The following PCBP3 variants were observed in gnomAD, a reference collection of about 807,000 sequenced individuals.
PCBP3 encodes the protein poly(rC)-binding protein 3.
Under a neutral mutation model 52.7 loss-of-function variants are expected in PCBP3, and 25 were observed. The ratio of observed to expected loss-of-function variants is 0.47; its 90% CI spans 0.35 to 0.66. The LOEUF is 0.66. Ranked by LOEUF, PCBP3 falls within the 30% of genes least tolerant of loss-of-function variation. The pLI is 0.01. For synonymous variants in PCBP3, 162 were observed against 183.0 expected, an observed-to-expected ratio of 0.89 and a Z score of 0.93; for missense variants, 391 against 490.3, an observed-to-expected ratio of 0.80 and a Z score of 1.91.
At chr21:45,898,426 C>T (rs375319302) in intron 6 of PCBP3, among the ~76,000 whole-genome samples, 1 of 92,136 alleles carries the variant, frequency 1.1e-5, no homozygotes, top group East Asian at 8.6e-4. Context: ...TCCCTCTGCA[C>T]ACCGTCCTCA....
intron 1 of PCBP3, among the ~76,000 whole-genome samples, chr21:45,667,075 GTTCTTTCTTTCTTTCTTTCT>G (rs138226209): frequency 6.8e-5 from 10 of 147,668 alleles, no homozygotes; most frequent in Non-Finnish European, 1.2e-4. Flanking sequence ...GCATCTGTTT[GTTCTTTCTTTCTTTCTTTCT>G]TTCTTTCTTT....
chr21:45,716,991 T>C (rs954371697), intron 2 of PCBP3, among the ~76,000 whole-genome samples: 3 of 152,178 alleles, frequency 2.0e-5, no homozygotes, highest in Non-Finnish European at 4.4e-5. Flanking sequence ...GAACATAGGA[T>C]GTTTTTCTAT....
At chr21:45,712,893 G>T (rs553102293) in intron 2 of PCBP3, among the ~76,000 whole-genome samples, 1 of 152,080 alleles carries the variant, frequency 6.6e-6, no homozygotes, top group Non-Finnish European at 1.5e-5. Context: ...ATTTGTAGAG[G>T]TGTGGTCTCA....
At chr21:45,700,571 C>A (rs2083059177) in intron 2 of PCBP3, among the ~76,000 whole-genome samples, 1 of 152,194 alleles carries the variant, frequency 6.6e-6, no homozygotes, top group African/African-American at 2.4e-5. Context: ...GGTGCCCGCC[C>A]AGCAACAACC....
intron 4 of PCBP3, among the ~76,000 whole-genome samples, chr21:45,847,797 C>T (rs769762324): frequency 6.6e-6 from 1 of 152,192 alleles, no homozygotes; most frequent in Non-Finnish European, 1.5e-5. Context: ...TTCAGGGCCA[C>T]CGTTCTGGGT....
At chr21:45,652,367 C>A (rs1424992842) in intron 1 of PCBP3, among the ~76,000 whole-genome samples, 1 of 151,746 alleles carries the variant, frequency 6.6e-6, no homozygotes, top group Non-Finnish European at 1.5e-5. Flanking sequence ...ATTCTACTAC[C>A]CACAGATGAC....
At chr21:45,914,426 A>C in intron 12 of PCBP3, 2 of 393,366 alleles carry the variant, frequency 5.1e-6, no homozygotes, top group Non-Finnish European at 9.0e-6. Flanking sequence ...GTGTTCCCAA[A>C]CTCCCAGGAT....
intron 4 of PCBP3, among the ~76,000 whole-genome samples, chr21:45,797,566 TAGAG>T (rs147551138): frequency 0.12 from 39 of 322 alleles, no homozygotes; most frequent in Non-Finnish European, 0.15. Flanking sequence ...CATGGATCCA[TAGAG>T]AGAGTGATTG....
At chr21:45,886,090 G>C (rs528152170) in intron 5 of PCBP3, among the ~76,000 whole-genome samples, 1 of 148,850 alleles carries the variant, frequency 6.7e-6, no homozygotes, top group Non-Finnish European at 1.5e-5. Flanking sequence ...GGCAGAGGAC[G>C]TGGTGAGGTG....
At chr21:45,795,336 CCTTT>C (rs899435014) in intron 4 of PCBP3, among the ~76,000 whole-genome samples, 1 of 147,662 alleles carries the variant, frequency 6.8e-6, no homozygotes, top group Non-Finnish European at 1.5e-5. Flanking sequence ...TTTCCCCTTT[CCTTT>C]CTTTTCTTTA....
In PCBP3 at chr21:45,837,146, C is replaced by T. The variant is rs1036622223; in HGVS notation, c.-125-12815C>T. Among the ~76,000 whole-genome samples the T allele has an allele frequency of 6.6e-6, 1 of 152,230 alleles. No homozygotes were observed. The highest frequency in any genetic ancestry group is 1.5e-5 in the Non-Finnish European group (1 of 68,044). ...TCAAAGCGCGGGTACCAATTCCCAT[C>T]CCCCAGCAGCGTGTTAGCGCCACGG... On this transcript the variant is annotated intron_variant, in intron 4 of 17. Coordinates refer to ENST00000681687, the MANE Select transcript of PCBP3 (RefSeq NM_001384156.1). This position sits in a 1 kb window ranked among gnomAD's most constrained non-coding sequence, Gnocchi z 4.1.
At chr21:45,900,002 C>G (rs7410155) in intron 7 of PCBP3, among the ~76,000 whole-genome samples, 4,268 of 152,256 alleles carry the variant, frequency 0.028, 66 homozygotes, top group Middle Eastern at 0.041. Context: ...AGCCCCCAGA[C>G]AATTCCTTTC....
At chr21:45,809,507 G>T (rs2092615433) in intron 4 of PCBP3, among the ~76,000 whole-genome samples, 1 of 152,210 alleles carries the variant, frequency 6.6e-6, no homozygotes, top group Non-Finnish European at 1.5e-5. Flanking sequence ...GTGGTTCTGG[G>T]CTGGGGCCTG....
intron 2 of PCBP3, among the ~76,000 whole-genome samples, chr21:45,731,291 A>G (rs760263955): frequency 7.2e-5 from 11 of 152,224 alleles, no homozygotes; most frequent in Non-Finnish European, 1.2e-4. Flanking sequence ...GACACCAGGG[A>G]TAAATCTCCA....
At chr21:45,654,779 G>A (rs921024175) in intron 1 of PCBP3, among the ~76,000 whole-genome samples, 3 of 151,890 alleles carry the variant, frequency 2.0e-5, no homozygotes, top group Admixed American at 6.5e-5. Flanking sequence ...GTGTTTTTTG[G>A]TGTATTTTCA....
At chr21:45,908,630 C>T (rs991375333) in intron 9 of PCBP3, among the ~76,000 whole-genome samples, 2 of 150,748 alleles carry the variant, frequency 1.3e-5, no homozygotes, top group East Asian at 1.9e-4. Flanking sequence ...CAGCGAGCTC[C>T]GGAGCTGCCC....
At chr21:45,812,988 T>G (rs897902670) in intron 4 of PCBP3, among the ~76,000 whole-genome samples, 4 of 152,202 alleles carry the variant, frequency 2.6e-5, no homozygotes, top group Non-Finnish European at 5.9e-5. Flanking sequence ...GACTAGAATG[T>G]GTGTGTATAT....
At chr21:45,930,719 A>G (rs2076069327) in intron 14 of PCBP3, 67 bp from the exon 15 acceptor site, 3 of 779,702 alleles carry the variant, frequency 3.8e-6, no homozygotes, top group East Asian at 2.5e-5. Flanking sequence ...GAGCTTCCCT[A>G]GTTGAAGGGA....
chr21:45,817,193 A>G lies in PCBP3; in HGVS notation c.-125-32768A>G, dbSNP rs1436580583. ...TGTCATGGCTCGGTCGAACTTTGTC[A>G]AGGAAAGTCTTCACTATCCCTTCCT... On this transcript the variant is annotated intron_variant, in intron 4 of 17. Transcript: ENST00000681687. The surrounding 1 kb of genome is among the most constrained non-coding windows in gnomAD (Gnocchi z 4.3). Among the ~76,000 whole-genome samples, 4 of 152,148 alleles carry G rather than the reference A, an allele frequency of 2.6e-5. No individual in the cohort carries two copies. In the South Asian group the frequency reaches 8.3e-4, roughly 32 times the overall value.
Sources: gnomAD v4.1 joint callset for allele counts (sites outside exome capture counted in the v4.1 genomes callset) on GRCh38, gnomAD v4.1.1 for gene constraint, Gnocchi (gnomAD v3.1) non-coding constraint, MANE v1.5 for transcripts, NCBI Gene and HGNC (gene_info 2026-07-23, HGNC 2026-07-21) for gene names.